TPM3: variants seen among roughly 807,000 people sequenced by gnomAD.
The protein encoded by TPM3 is tropomyosin 3.
In TPM3, 16 loss-of-function variants were observed where a neutral mutation model predicts 43.1. That is an observed-to-expected ratio of 0.37 (90% CI 0.25 to 0.56). The LOEUF (loss-of-function observed/expected upper bound fraction) is 0.56. Among genes scored for constraint, TPM3 ranks in the 20% least tolerant of loss-of-function variants. The pLI is 0.77. For synonymous variants in TPM3, 101 were observed against 116.9 expected, an observed-to-expected ratio of 0.86 and a Z score of 0.88; for missense variants, 176 against 337.2, an observed-to-expected ratio of 0.52 and a Z score of 3.74.
intron 2 of TPM3, among the ~76,000 whole-genome samples, chr1:154,189,798 CAAAA>C (rs1167349462): frequency 1.1e-4 from 5 of 43,854 alleles, no homozygotes; most frequent in East Asian, 6.1e-4. Flanking sequence ...AACCCTGTCT[CAAAA>C]AAAAAAAAAA....
At position 154,165,191 on chromosome 1, in the gene TPM3, G is replaced by A. The variant is rs749991770; in HGVS notation, c.*2746C>T. Among the ~76,000 whole-genome samples, 3 of 151,974 alleles carry A rather than the reference G, an allele frequency of 2.0e-5. No individual in the cohort carries two copies. Among genetic ancestry groups the A allele is most frequent in the Non-Finnish European group, 4.4e-5 (3 of 68,002 alleles). ...GAGGTCAGGAGTTCGCGACCAGCCT[G>A]GCCAACATGCTGAAACCCCGTCCGT... On this transcript the variant is annotated 3_prime_UTR_variant, in exon 10 of 10. Transcript: ENST00000651641.
At chr1:154,160,761 C>T (rs1660266299), downstream of TPM3, among the ~76,000 whole-genome samples, 1 of 152,184 alleles carries the variant, frequency 6.6e-6, no homozygotes, top group African/African-American at 2.4e-5. Context: ...AAACACTATA[C>T]AGGCTGAGAA....
chr1:154,169,132 G>A (rs554136748), intron 9 of TPM3, among the ~76,000 whole-genome samples, 173 bp downstream of exon 9: 18 of 152,270 alleles, frequency 1.2e-4, no homozygotes, highest in Middle Eastern at 3.4e-3. Context: ...CACCGCGCCC[G>A]GCCATGCCTC....
rs1386503550 is a variant in TPM3, at chr1:154,163,318, CTAGACA to C, written c.*4613_*4618del. 5.3e-5 allele frequency among the ~76,000 whole-genome samples: 8 copies of C among 152,166 alleles called. No homozygotes were observed. The highest frequency in any genetic ancestry group is 3.2e-3 in the Middle Eastern group (1 of 316). ...TTGACTGCCACATGTGGCTAATGTA[CTAGACA>C]TCATTACCAAAAGTTCTGTTGGAAA... On this transcript the variant is annotated 3_prime_UTR_variant, in exon 10 of 10. Coordinates refer to ENST00000651641, the MANE Select transcript of TPM3 (RefSeq NM_152263.4).
intron 2 of TPM3, among the ~76,000 whole-genome samples, chr1:154,181,425 A>C (rs1230185804): frequency 6.6e-6 from 1 of 152,216 alleles, no homozygotes; most frequent in Non-Finnish European, 1.5e-5. Context: ...GGAAAGAACA[A>C]AGAACAAAGA....
rs1386701253 is a variant in TPM3 at position 154,181,105 on chromosome 1, TAA to T, written c.244-4859_244-4858del. On this transcript the variant is annotated intron_variant, in intron 2 of 9. Transcript: ENST00000651641. The stretch of plus-strand genomic sequence containing the variant: ...GGAGATGAGAAAGTGCCACTGGCCA[TAA>T]AGAGTCACCCAGCCAGTCCATCTCA... 5.9e-5 allele frequency among the ~76,000 whole-genome samples: 9 copies of T among 152,126 alleles called. No individual in the cohort carries two copies. In the East Asian group the frequency reaches 1.7e-3, roughly 29 times the overall value.
In TPM3 at chr1:154,166,064, G is replaced by C. The variant is rs1013623495; in HGVS notation, c.*1873C>G. Reference sequence around the variant, plus strand: ...TCTCCATCTTAATATCCTATACCTAGAAGATACCAGGAAGTGTCAGCTGAA... The same window carrying C: ...TCTCCATCTTAATATCCTATACCTACAAGATACCAGGAAGTGTCAGCTGAA... On this transcript the variant is annotated 3_prime_UTR_variant, in exon 10 of 10. Coordinates refer to ENST00000651641, the MANE Select transcript of TPM3 (RefSeq NM_152263.4). Among the ~76,000 whole-genome samples the C allele has an allele frequency of 1.5e-4, 23 of 152,124 alleles. No homozygotes were observed. The highest frequency in any genetic ancestry group is 5.1e-4 in the African/African-American group (21 of 41,418).
chr1:154,183,135 A>G (rs368973263), intron 2 of TPM3: 10 of 1,597,748 alleles, frequency 6.3e-6, no homozygotes, highest in Non-Finnish European at 8.5e-6. Context: ...CCACCCAGCT[A>G]CTGCTCGCGC....
chr1:154,178,648 ACAGGCCTACTTTTTGCAGAC>A (rs1225446416), intron 2 of TPM3, among the ~76,000 whole-genome samples: 2 of 152,226 alleles, frequency 1.3e-5, no homozygotes, highest in Non-Finnish European at 2.9e-5. Flanking sequence ...AAGAGATTGA[ACAGGCCTACTTTTTGCAGAC>A]CAGGCTACCT....
chr1:154,164,041 C>G lies in TPM3; in HGVS notation c.*3896G>C, dbSNP rs976070208. On this transcript the variant is annotated 3_prime_UTR_variant, in exon 10 of 10. Transcript: ENST00000651641. ...AACTCTCTTATGTCAACCTCTCTGC[C>G]TCACGCCCTAGAATTTTGTTTTCAC... is the stretch of plus-strand genomic sequence containing the variant. 2.0e-5 allele frequency among the ~76,000 whole-genome samples: 3 copies of G among 152,234 alleles called. No homozygotes were observed. The East Asian group carries it at 5.8e-4, about 29-fold the overall frequency.
At position 154,192,025 on chromosome 1, in the gene TPM3, T is replaced by G. The variant is rs773857288; in HGVS notation, c.-7A>C. The G allele has an allele frequency of 1.2e-6, 2 of 1,611,064 alleles. No individual in the cohort carries two copies. The highest frequency in any genetic ancestry group is 3.3e-5 in the Admixed American group (2 of 60,004). On this transcript the variant is annotated 5_prime_UTR_variant, in exon 1 of 10. Transcript: ENST00000651641. ...TCTTGATGGCCTCCATCATGAGCAG[T>G]GGCTGTTGGTAGGCTCACCTGTGAA...
Position 154,169,396 on chromosome 1 carries a change from A to G in TPM3, c.776-13T>C. The stretch of plus-strand genomic sequence containing the variant: ...GCATAGAGCTCATCTGGACAGGCAC[A>G]GGAACCACAGGGAGGAATGAGGGGA... On this transcript the variant is annotated splice_polypyrimidine_tract_variant and intron_variant, in intron 8 of 9. Coordinates refer to ENST00000651641, the MANE Select transcript of TPM3 (RefSeq NM_152263.4). The G allele has an allele frequency of 6.2e-7, 1 of 1,614,082 alleles. No individual in the cohort carries two copies. The highest frequency in any genetic ancestry group is 1.1e-5 in the South Asian group (1 of 91,080).
At chr1:154,190,517 C>CG (rs200162939) in intron 2 of TPM3, among the ~76,000 whole-genome samples, 3,922 of 152,258 alleles carry the variant, frequency 0.026, 157 homozygotes, top group African/African-American at 0.091. Flanking sequence ...CCTAGACAAG[C>CG]TGAGTAATTA....
At chr1:154,185,777 G>A (rs908909947) in intron 2 of TPM3, among the ~76,000 whole-genome samples, 9 of 151,018 alleles carry the variant, frequency 6.0e-5, no homozygotes, top group African/African-American at 2.2e-4. Context: ...CAGGATTTCT[G>A]GAAGCACAAT....
downstream of TPM3, chr1:154,155,589 T>TATCC: frequency 4.2e-6 from 1 of 235,726 alleles, no homozygotes; most frequent in Non-Finnish European, 8.4e-6. Flanking sequence ...CTTTCAAAGT[T>TATCC]ATCCACTCAC....
chr1:154,171,063 T>C (rs951720839), intron 6 of TPM3: 5 of 533,088 alleles, frequency 9.4e-6, no homozygotes, highest in Non-Finnish European at 1.7e-5. Flanking sequence ...GATGGCAAAG[T>C]GAAGTCATCT....
In TPM3 at chr1:154,166,034, T is replaced by A. The variant is rs770848980; in HGVS notation, c.*1903A>T. On this transcript the variant is annotated 3_prime_UTR_variant, in exon 10 of 10. Transcript: ENST00000651641. Reference sequence around the variant, plus strand: ...GTAGGAATGGTGCCTCCATCTTTATTTCTGTCTCCATCTTAATATCCTATA... The same window carrying A: ...GTAGGAATGGTGCCTCCATCTTTATATCTGTCTCCATCTTAATATCCTATA... Among the ~76,000 whole-genome samples, 2 of 152,160 alleles carry A rather than the reference T, an allele frequency of 1.3e-5. No homozygotes were observed. The highest frequency in any genetic ancestry group is 1.5e-5 in the Non-Finnish European group (1 of 68,032).
intron 2 of TPM3, chr1:154,187,273 CTT>C: frequency 1.0e-6 from 1 of 969,590 alleles, no homozygotes; most frequent in Non-Finnish European, 1.2e-6. Context: ...TCCGATAAAA[CTT>C]TATTTACAAA....
intron 2 of TPM3, 22 bp from the exon 3 acceptor site, chr1:154,176,270 G>C (rs1662298553): frequency 6.2e-7 from 1 of 1,613,920 alleles, no homozygotes; most frequent in Non-Finnish European, 8.5e-7. Flanking sequence ...GGAAAGAATG[G>C]ACAAGGGAAG....
Sources: allele counts gnomAD v4.1 joint callset (sites outside exome capture counted in the v4.1 genomes callset), GRCh38; gene constraint gnomAD v4.1.1; transcripts MANE v1.5; gene names NCBI Gene and HGNC (gene_info 2026-07-23, HGNC 2026-07-21).